Variants in SCFD2 observed in about 807,000 individuals in gnomAD.
The protein encoded by SCFD2 is sec1 family domain-containing protein 2.
SCFD2 carries 54 observed loss-of-function variants against 58.9 expected under a neutral mutation model. The observed-to-expected ratio is 0.92, with a 90% CI of 0.74 to 1.15. The LOEUF is 1.15. SCFD2 is among the 50% of genes most tolerant of loss of function. SCFD2 has a pLI of 0.00. For synonymous variants in SCFD2, 321 were observed against 335.9 expected, an observed-to-expected ratio of 0.96 and a Z score of 0.49; for missense variants, 805 against 836.6, an observed-to-expected ratio of 0.96 and a Z score of 0.47.
intron 5 of SCFD2, among the ~76,000 whole-genome samples, chr4:53,012,925 C>G (rs1722131068): frequency 6.6e-6 from 1 of 151,910 alleles, no homozygotes; most frequent in Non-Finnish European, 1.5e-5. Context: ...GAATAGCACA[C>G]TCCACAAGTG....
intron 5 of SCFD2, among the ~76,000 whole-genome samples, chr4:53,060,872 A>G (rs1338085471): frequency 3.3e-5 from 5 of 152,214 alleles, no homozygotes; most frequent in Admixed American, 6.6e-5. Context: ...ATTGCTATTT[A>G]TAAAAGCATA....
intron 7 of SCFD2, among the ~76,000 whole-genome samples, chr4:52,899,269 T>C (rs528347635): frequency 3.9e-5 from 6 of 152,208 alleles, no homozygotes; most frequent in Non-Finnish European, 8.8e-5. Flanking sequence ...ATTTGGCATG[T>C]TTTTGCAGTG....
chr4:53,279,628 C>T (rs1236850299), intron 3 of SCFD2, among the ~76,000 whole-genome samples: 15 of 152,116 alleles, frequency 9.9e-5, no homozygotes, highest in Admixed American at 9.8e-4. Flanking sequence ...TTGAATTCAA[C>T]TGAATTCCAA....
rs1727286439 is a variant in SCFD2, at chr4:53,175,002, C to T, written c.1312-29420G>A. 2.0e-5 allele frequency among the ~76,000 whole-genome samples: 3 copies of T among 152,136 alleles called. No individual in the cohort carries two copies. In the South Asian group the frequency reaches 6.2e-4, roughly 31 times the overall value. On this transcript the variant is annotated intron_variant, in intron 4 of 8. Transcript: ENST00000401642. Reference sequence around the variant, plus strand: ...ATTGACTATAGAAAGTCTTACTCAGCTCTAATTTCAGTTTACTCTGGGGTT... The same window carrying T: ...ATTGACTATAGAAAGTCTTACTCAGTTCTAATTTCAGTTTACTCTGGGGTT...
intron 5 of SCFD2, among the ~76,000 whole-genome samples, chr4:52,926,020 AGAGT>A (rs1719855012): frequency 6.6e-6 from 1 of 152,136 alleles, no homozygotes; most frequent in Admixed American, 6.5e-5. Context: ...TTCCTTCAGC[AGAGT>A]GAGAGGAATG....
chr4:53,365,137 CTGA>C lies in SCFD2; in HGVS notation c.802_804del (p.Ser268del). 6.2e-7 allele frequency: 1 copy of C among 1,614,224 alleles called. No homozygotes were observed. Among genetic ancestry groups the C allele is most frequent in the Non-Finnish European group, 8.5e-7 (1 of 1,180,036 alleles). On this transcript the variant is annotated inframe_deletion, in exon 1 of 9. Coordinates refer to ENST00000401642, the MANE Select transcript of SCFD2 (RefSeq NM_152540.4). This position sits in a 1 kb window ranked among gnomAD's most constrained non-coding sequence, Gnocchi z 4.3. ...TCCAGGGTTCTGTCCACAAAAACCA[CTGA>C]TGCCCTGCCTGCAGCAGTCTTCTTC... is the stretch of plus-strand genomic sequence containing the variant.
chr4:52,956,103 G>A (rs1053068718), intron 5 of SCFD2: 4 of 425,956 alleles, frequency 9.4e-6, no homozygotes, highest in Non-Finnish European at 1.9e-5. Flanking sequence ...TGCAACACAA[G>A]GAGCCTTGGA....
chr4:53,182,521 T>G (rs574321636), intron 4 of SCFD2, among the ~76,000 whole-genome samples: 1 of 152,312 alleles, frequency 6.6e-6, no homozygotes, highest in East Asian at 1.9e-4. Flanking sequence ...ATTAAAGACT[T>G]AAATGTTAGA....
At chr4:52,885,657 G>A in intron 8 of SCFD2, 90 bp downstream of exon 8, 5 of 1,474,970 alleles carry the variant, frequency 3.4e-6, no homozygotes, top group Non-Finnish European at 4.7e-6. Context: ...GGCTAGGAGA[G>A]GGGCACTGGG....
At chr4:53,228,783 G>T (rs1729317495) in intron 4 of SCFD2, among the ~76,000 whole-genome samples, 1 of 152,088 alleles carries the variant, frequency 6.6e-6, no homozygotes, top group Non-Finnish European at 1.5e-5. Context: ...CAATCAGGCA[G>T]GAGAAGGAAA....
At chr4:52,921,417 C>T (rs1719732343) in intron 5 of SCFD2, among the ~76,000 whole-genome samples, 1 of 152,120 alleles carries the variant, frequency 6.6e-6, no homozygotes, top group South Asian at 2.1e-4. Context: ...TTTCTGCAAC[C>T]TTCTGTTTCT....
At chr4:52,956,421 A>C (rs1475996517) in intron 5 of SCFD2, 6 of 363,714 alleles carry the variant, frequency 1.6e-5, no homozygotes, top group Non-Finnish European at 2.7e-5. Flanking sequence ...GTACTGGCTC[A>C]AGTAACCAGG....
At chr4:53,222,627 AT>A (rs11300357) in intron 4 of SCFD2, among the ~76,000 whole-genome samples, 144,552 of 151,264 alleles carry the variant, frequency 0.96, 69,389 homozygotes, top group East Asian at 1. Flanking sequence ...TCCAAATAGC[AT>A]TTTTTTTTTC....
At chr4:52,907,946 T>G (rs1719387655) in intron 6 of SCFD2, among the ~76,000 whole-genome samples, 3 of 152,226 alleles carry the variant, frequency 2.0e-5, no homozygotes, top group Non-Finnish European at 4.4e-5. Flanking sequence ...GATACAGACA[T>G]GAAGACATGA....
At chr4:53,021,807 T>C (rs1722355666) in intron 5 of SCFD2, among the ~76,000 whole-genome samples, 1 of 152,204 alleles carries the variant, frequency 6.6e-6, no homozygotes. Flanking sequence ...TCTTGTTTTG[T>C]TCACAGTGCC....
intron 5 of SCFD2, among the ~76,000 whole-genome samples, chr4:53,135,656 C>T (rs569625349): frequency 5.9e-5 from 9 of 152,082 alleles, no homozygotes; most frequent in South Asian, 2.1e-4. Flanking sequence ...GCAGGAGAAT[C>T]GCTGGAATCC....
intron 4 of SCFD2, among the ~76,000 whole-genome samples, chr4:53,228,786 G>A (rs1231372607): frequency 1.3e-5 from 2 of 152,144 alleles, no homozygotes; most frequent in African/African-American, 2.4e-5. Context: ...TCAGGCAGGA[G>A]AAGGAAATAA....
chr4:53,327,426 A>G (rs982311251), intron 2 of SCFD2, among the ~76,000 whole-genome samples: 1 of 152,156 alleles, frequency 6.6e-6, no homozygotes, highest in Non-Finnish European at 1.5e-5. Flanking sequence ...TGAGAAGGAT[A>G]CCCACACCAA....
intron 5 of SCFD2, among the ~76,000 whole-genome samples, chr4:53,139,123 G>A (rs765650484): frequency 1.2e-4 from 18 of 152,130 alleles, no homozygotes; most frequent in African/African-American, 3.6e-4. Flanking sequence ...TGCCAGCCTC[G>A]GCCTCCCGAG....
Sources: gnomAD v4.1 joint callset for allele counts (sites outside exome capture counted in the v4.1 genomes callset) on GRCh38, gnomAD v4.1.1 for gene constraint, Gnocchi (gnomAD v3.1) non-coding constraint, MANE v1.5 for transcripts, NCBI Gene and HGNC (gene_info 2026-07-23, HGNC 2026-07-21) for gene names.